Variants in WNT3 observed in about 807,000 individuals in gnomAD.
WNT3 encodes proto-oncogene Wnt-3.
WNT3 carries 7 observed loss-of-function variants against 34.2 expected under a neutral mutation model. The observed-to-expected ratio is 0.20, with a 90% confidence interval of 0.12 to 0.38. The LOEUF (loss-of-function observed/expected upper bound fraction) is 0.38. Among genes scored for constraint, WNT3 ranks in the 10% least tolerant of loss-of-function variants. The pLI is 1.00. For missense variants in WNT3, 267 were observed against 499.8 expected (o/e 0.53, Z 4.44); for synonymous variants, 212 against 211.5 (o/e 1.00, Z -0.02).
chr17:46,796,362 G>A (rs1333136689), intron 1 of WNT3, among the ~76,000 whole-genome samples: 1 of 152,122 alleles, frequency 6.6e-6, no homozygotes, highest in African/African-American at 2.4e-5. Flanking sequence ...TGTGCTTGCC[G>A]CATATTAACC....
At chr17:46,796,113 T>C (rs933542200) in intron 1 of WNT3, among the ~76,000 whole-genome samples, 1 of 152,238 alleles carries the variant, frequency 6.6e-6, no homozygotes, top group Non-Finnish European at 1.5e-5. Context: ...GTGATCTGGC[T>C]GACCCCAATC....
chr17:46,784,653 G>A lies in WNT3; in HGVS notation c.81-10744C>T, dbSNP rs541280475. Among the ~76,000 whole-genome samples, 465 of 152,210 alleles carry A rather than the reference G, an allele frequency of 3.1e-3. 1 individual carries two copies. The highest frequency in any genetic ancestry group is 3.4e-3 in the Middle Eastern group (1 of 294). On this transcript the variant is annotated intron_variant, in intron 1 of 4. Coordinates refer to ENST00000225512, the MANE Select transcript of WNT3 (RefSeq NM_030753.5). Reference sequence around the variant, plus strand: ...TGCCCAGCCAACACTGGCAGCAGGCGCCCAGGTCTGGCTTGTGTTTTCCAT... The same window carrying A: ...TGCCCAGCCAACACTGGCAGCAGGCACCCAGGTCTGGCTTGTGTTTTCCAT...
intron 1 of WNT3, among the ~76,000 whole-genome samples, chr17:46,816,617 C>G (rs1006845322): frequency 2.0e-5 from 3 of 152,132 alleles, no homozygotes; most frequent in Non-Finnish European, 2.9e-5. Context: ...CTTGACCTTC[C>G]AGGTTTCCCC....
chr17:46,782,763 C>G (rs1333967813), intron 1 of WNT3, among the ~76,000 whole-genome samples: 1 of 152,234 alleles, frequency 6.6e-6, no homozygotes, highest in Non-Finnish European at 1.5e-5. Context: ...TGGAGCCGCT[C>G]ACCTGGCTGC....
chr17:46,815,909 A>G (rs1348620553), intron 1 of WNT3, among the ~76,000 whole-genome samples: 1 of 152,138 alleles, frequency 6.6e-6, no homozygotes, highest in Non-Finnish European at 1.5e-5. Flanking sequence ...CTGCAAAGAT[A>G]TTCACAGCCA....
At chr17:46,767,832 T>A (rs2059327496) in intron 4 of WNT3, among the ~76,000 whole-genome samples, 1 of 152,136 alleles carries the variant, frequency 6.6e-6, no homozygotes, top group African/African-American at 2.4e-5. Flanking sequence ...TCGCCCAGGC[T>A]GGATGGAGTC....
At chr17:46,779,240 C>T (rs776610080) in intron 1 of WNT3, among the ~76,000 whole-genome samples, 35 of 152,174 alleles carry the variant, frequency 2.3e-4, no homozygotes, top group Admixed American at 9.2e-4. Flanking sequence ...CCGGAGCTTC[C>T]GCCTACACAC....
chr17:46,806,488 C>T (rs1038159049), intron 1 of WNT3, among the ~76,000 whole-genome samples: 2 of 152,154 alleles, frequency 1.3e-5, no homozygotes, highest in African/African-American at 4.8e-5. Context: ...GGGTTACAGG[C>T]GTGAGCCACC....
At chr17:46,812,611 C>T (rs1179816450) in intron 1 of WNT3, among the ~76,000 whole-genome samples, 1 of 152,168 alleles carries the variant, frequency 6.6e-6, no homozygotes, top group Non-Finnish European at 1.5e-5. Context: ...CTTCTCTACC[C>T]TGCCCTCCCC....
chr17:46,814,924 G>A (rs2084321577), intron 1 of WNT3, among the ~76,000 whole-genome samples: 1 of 152,210 alleles, frequency 6.6e-6, no homozygotes, highest in Non-Finnish European at 1.5e-5. Flanking sequence ...GAACTCAGGT[G>A]TGCTATTTCC....
chr17:46,817,381 C>CCCCCG (rs1263819927), intron 1 of WNT3, among the ~76,000 whole-genome samples: 3 of 152,084 alleles, frequency 2.0e-5, no homozygotes, highest in African/African-American at 7.3e-5. Flanking sequence ...TCCCCCCGCC[C>CCCCCG]AGGCCAAGGC....
At chr17:46,777,199 G>A (rs1433294034) in intron 1 of WNT3, among the ~76,000 whole-genome samples, 1 of 152,000 alleles carries the variant, frequency 6.6e-6, no homozygotes, top group Non-Finnish European at 1.5e-5. Flanking sequence ...GACAGAGCGA[G>A]ACTTCGTCTC....
chr17:46,766,626 C>T (rs544180584), intron 4 of WNT3, among the ~76,000 whole-genome samples: 1 of 152,274 alleles, frequency 6.6e-6, no homozygotes, highest in African/African-American at 2.4e-5. Context: ...ACTTGAGCTA[C>T]ACCGAGGGGC....
chr17:46,766,593 T>C (rs542109319), intron 4 of WNT3, among the ~76,000 whole-genome samples: 80 of 152,232 alleles, frequency 5.3e-4, no homozygotes, highest in African/African-American at 1.9e-3. Flanking sequence ...GCTGCCTTTC[T>C]GGACTGTCCC....
chr17:46,816,250 T>C (rs2084344545), intron 1 of WNT3, among the ~76,000 whole-genome samples: 2 of 151,332 alleles, frequency 1.3e-5, no homozygotes, highest in Non-Finnish European at 2.9e-5. Flanking sequence ...CTTCTAGACT[T>C]CTCTCTGTCT....
At chr17:46,815,620 C>G (rs575605594) in intron 1 of WNT3, among the ~76,000 whole-genome samples, 6 of 151,988 alleles carry the variant, frequency 3.9e-5, no homozygotes, top group Non-Finnish European at 7.4e-5. Flanking sequence ...CAGCCCCAGC[C>G]CTAACCCTGA....
intron 1 of WNT3, among the ~76,000 whole-genome samples, chr17:46,785,346 G>A (rs1376735473): frequency 2.0e-5 from 3 of 152,224 alleles, no homozygotes; most frequent in Non-Finnish European, 4.4e-5. Context: ...CACCGTGAGT[G>A]CAGCAGGAAC....
intron 2 of WNT3, 150 bp from the exon 3 acceptor site, chr17:46,770,198 C>G: frequency 3.5e-6 from 4 of 1,133,402 alleles, no homozygotes; most frequent in African/African-American, 1.6e-5. Flanking sequence ...GCAGCTTCCC[C>G]ACCCTCTTTG....
At chr17:46,780,526 C>T (rs1175016613) in intron 1 of WNT3, among the ~76,000 whole-genome samples, 2 of 152,182 alleles carry the variant, frequency 1.3e-5, no homozygotes, top group Non-Finnish European at 2.9e-5. Context: ...CGGTGGCTCA[C>T]GCTTGTAATC....
Sources: allele counts gnomAD v4.1 joint callset (sites outside exome capture counted in the v4.1 genomes callset), GRCh38; gene constraint gnomAD v4.1.1; transcripts MANE v1.5; gene names NCBI Gene and HGNC (gene_info 2026-07-23, HGNC 2026-07-21).